MYO18B: variants seen among roughly 807,000 people sequenced by gnomAD.
MYO18B encodes the protein unconventional myosin-XVIIIb.
MYO18B carries 204 observed loss-of-function variants against 273.0 expected under a neutral mutation model. That is an observed-to-expected ratio of 0.75 (90% CI 0.67 to 0.84). MYO18B has a LOEUF of 0.84. Among genes scored for constraint, MYO18B ranks in the 40% least tolerant of loss-of-function variants. The probability of loss-of-function intolerance (pLI) is 0.00; values close to 1 mark genes in which losing one functional copy is unlikely to be tolerated. For synonymous variants in MYO18B, 1,330 were observed against 1,305.7 expected, an observed-to-expected ratio of 1.02 and a Z score of -0.40; for missense variants, 3,212 against 3,287.6, an observed-to-expected ratio of 0.98 and a Z score of 0.56.
intron 7 of MYO18B, among the ~76,000 whole-genome samples, chr22:25,773,246 C>T (rs1568997856): frequency 6.6e-6 from 1 of 152,174 alleles, no homozygotes; most frequent in East Asian, 1.9e-4. Flanking sequence ...GCACAAAGAA[C>T]ATCAGGGAAG....
intron 11 of MYO18B, among the ~76,000 whole-genome samples, chr22:25,788,111 C>A (rs141795106): frequency 2.9e-4 from 44 of 152,260 alleles, no homozygotes; most frequent in African/African-American, 9.4e-4. Context: ...TTCTGTGGGG[C>A]ATTTTTTAGA....
intron 14 of MYO18B, among the ~76,000 whole-genome samples, chr22:25,827,242 G>A (rs919407999): frequency 2.6e-5 from 4 of 152,174 alleles, no homozygotes; most frequent in Non-Finnish European, 5.9e-5. Flanking sequence ...GCTTGAAGGG[G>A]TAGAACCGAG....
chr22:25,962,138 G>T (rs375970331), intron 39 of MYO18B, among the ~76,000 whole-genome samples: 18 of 152,264 alleles, frequency 1.2e-4, no homozygotes, highest in African/African-American at 3.9e-4. Flanking sequence ...ATTGAAATAA[G>T]ACAAGACCCC....
intron 21 of MYO18B, among the ~76,000 whole-genome samples, chr22:25,862,505 G>T (rs186460059): frequency 3.0e-4 from 45 of 152,238 alleles, no homozygotes; most frequent in African/African-American, 9.9e-4. Flanking sequence ...AGTAAGGCAG[G>T]TCTCATAGCA....
In MYO18B at chr22:25,987,717, T is replaced by C. The variant is rs1316005644; in HGVS notation, c.6157-4646T>C. ...GTATTGCCGGCACCTAGATCAGTGC[T>C]GCGCCTCATAGGTGCTCAACAAATG... On this transcript the variant is annotated intron_variant, in intron 39 of 43. Transcript: ENST00000335473. Among the ~76,000 whole-genome samples, 4 of 152,084 alleles carry C rather than the reference T, an allele frequency of 2.6e-5. 1 individual carries two copies.
intron 28 of MYO18B, chr22:25,895,756 A>C (rs562355309): frequency 6.5e-6 from 1 of 152,754 alleles, no homozygotes; most frequent in South Asian, 2.1e-4. Flanking sequence ...CACTGCAGCC[A>C]AGGAATGTTT....
In MYO18B at chr22:25,907,048, A is replaced by G. The variant is rs2092058793; in HGVS notation, c.5149-1274A>G. On this transcript the variant is annotated intron_variant, in intron 31 of 43. Coordinates refer to ENST00000335473, the MANE Select transcript of MYO18B (RefSeq NM_032608.7). ...ATGATCCAGTAACATTAAAGAGTAT[A>G]GACAGATAAAGGAAAGCTTCAAAGC... Among the ~76,000 whole-genome samples the G allele has an allele frequency of 1.3e-5, 2 of 152,256 alleles. 1 individual carries two copies. Among genetic ancestry groups the G allele is most frequent in the East Asian group, 3.8e-4 (2 of 5,206 alleles).
At chr22:25,832,317 T>C (rs2089736725) in intron 15 of MYO18B, among the ~76,000 whole-genome samples, 2 of 152,168 alleles carry the variant, frequency 1.3e-5, no homozygotes, top group Non-Finnish European at 2.9e-5. Context: ...GATTGCAACA[T>C]TATTCACAAT....
intron 18 of MYO18B, among the ~76,000 whole-genome samples, chr22:25,845,582 G>A (rs2090216459): frequency 2.0e-5 from 3 of 152,226 alleles, no homozygotes; most frequent in South Asian, 4.1e-4. Flanking sequence ...CTCAGAATCT[G>A]TCCATGACAG....
intron 35 of MYO18B, 58 bp from the exon 36 acceptor site, chr22:25,947,654 C>G: frequency 7.4e-7 from 1 of 1,342,980 alleles, no homozygotes; most frequent in Non-Finnish European, 1.1e-6. Flanking sequence ...TCCTCTGGAC[C>G]TTGCTGCCCA....
chr22:25,977,997 A>G (rs2093110874), intron 39 of MYO18B, among the ~76,000 whole-genome samples: 1 of 152,170 alleles, frequency 6.6e-6, no homozygotes, highest in Non-Finnish European at 1.5e-5. Flanking sequence ...CATGCTACCC[A>G]AGTTATGAAT....
the MYO18B span, among the ~76,000 whole-genome samples, chr22:26,037,370 A>C: frequency 6.6e-6 from 1 of 152,194 alleles, no homozygotes; most frequent in Non-Finnish European, 1.5e-5. Flanking sequence ...CCCATTTTAC[A>C]GATGGGGCAG....
In MYO18B at chr22:25,860,992, G is replaced by A. The variant is rs527276984; in HGVS notation, c.3886-7328G>A. ...CAGCCTTGACTTCCTGGGCTCAAGC[G>A]ATCCTCCTATTTCAGCCCCCTGCGT... On this transcript the variant is annotated intron_variant, in intron 21 of 43. Coordinates refer to ENST00000335473, the MANE Select transcript of MYO18B (RefSeq NM_032608.7). Among the ~76,000 whole-genome samples the A allele has an allele frequency of 1.1e-4, 16 of 151,946 alleles. No homozygotes were observed. The South Asian group carries it at 3.1e-3, about 30-fold the overall frequency.
Position 25,789,989 on chromosome 22 carries a change from C to G in MYO18B, c.2376+4498C>G, listed in dbSNP as rs370076631. Among the ~76,000 whole-genome samples, 211 of 152,248 alleles carry G rather than the reference C, an allele frequency of 1.4e-3. 9 individuals carry two copies. The South Asian group carries it at 0.043, about 31-fold the overall frequency. ...CCATTATGGTGAAACCCTGTCTCTA[C>G]TAAAAATACAAAAATTAGCCGGACG... On this transcript the variant is annotated intron_variant, in intron 11 of 43. Transcript: ENST00000335473.
chr22:25,818,771 CA>C (rs1183348599), intron 12 of MYO18B, among the ~76,000 whole-genome samples: 3 of 152,126 alleles, frequency 2.0e-5, no homozygotes, highest in African/African-American at 7.2e-5. Flanking sequence ...AAGGGAATTG[CA>C]ATTTTTTGAG....
chr22:25,855,285 CTTTTT>C (rs150338635), intron 21 of MYO18B, among the ~76,000 whole-genome samples: 1 of 132,348 alleles, frequency 7.6e-6, no homozygotes. Context: ...TTATCTCATT[CTTTTT>C]TTTTTTTTTT....
chr22:26,054,226 A>G, the MYO18B span, among the ~76,000 whole-genome samples: 2 of 152,158 alleles, frequency 1.3e-5, no homozygotes, highest in African/African-American at 4.8e-5. Flanking sequence ...CTGTTGTATC[A>G]CTTGCTTTCT....
chr22:25,753,883 T>G (rs1180899837), intron 1 of MYO18B, among the ~76,000 whole-genome samples: 1 of 152,212 alleles, frequency 6.6e-6, no homozygotes, highest in East Asian at 1.9e-4. Flanking sequence ...GGTCCACGGC[T>G]TTATTCTTGA....
At chr22:25,858,931 C>G (rs986401687) in intron 21 of MYO18B, among the ~76,000 whole-genome samples, 1 of 152,218 alleles carries the variant, frequency 6.6e-6, no homozygotes, top group Non-Finnish European at 1.5e-5. Flanking sequence ...TGTGTCTAAT[C>G]TGCTCACTGG....
Sources: allele counts gnomAD v4.1 joint callset (sites outside exome capture counted in the v4.1 genomes callset), GRCh38; gene constraint gnomAD v4.1.1; transcripts MANE v1.5; gene names NCBI Gene and HGNC (gene_info 2026-07-23, HGNC 2026-07-21).